MCHR2: variants seen among roughly 807,000 people sequenced by gnomAD.
MCHR2 encodes melanin concentrating hormone receptor 2, also known as melanin-concentrating hormone receptor 2.
MCHR2 carries 15 observed loss-of-function variants against 24.8 expected under a neutral mutation model. The ratio of observed to expected loss-of-function variants is 0.60; its 90% CI spans 0.40 to 0.93. The LOEUF (loss-of-function observed/expected upper bound fraction) is 0.93, where lower values mean the gene tolerates loss of function less well. MCHR2 is among the 40% of genes least tolerant of loss of function. The pLI is 0.00. For synonymous variants in MCHR2, 151 were observed against 147.6 expected (o/e 1.02, Z -0.17); for missense variants, 386 against 408.7 (o/e 0.94, Z 0.48).
chr6:99,956,019 A>C lies in MCHR2; in HGVS notation c.129T>G (p.Ile43Met). The C allele has an allele frequency of 6.2e-7, 1 of 1,613,246 alleles. No individual in the cohort carries two copies. Among genetic ancestry groups the C allele is most frequent in the Non-Finnish European group, 8.5e-7 (1 of 1,179,560 alleles). ...DTVILPSMIG[I>M]ICSTGLVGNI... ...TGCCAACCAGCCCTGTTGAACAGAT[A>C]ATCCCAATCATGGAAGGGAGGATGA... Residue 43 changes from isoleucine (I) to methionine (M), a missense_variant, in exon 2 of 6, where the codon ATT becomes ATG. Transcript: ENST00000281806.
chr6:99,971,070 TTAAAG>T (rs1775406815), intron 1 of MCHR2, among the ~76,000 whole-genome samples: 2 of 152,124 alleles, frequency 1.3e-5, no homozygotes, highest in Non-Finnish European at 2.9e-5. Flanking sequence ...CATATGAACT[TTAAAG>T]TAGTTTTTTC....
chr6:99,991,460 G>A (rs1775873160), intron 1 of MCHR2, among the ~76,000 whole-genome samples: 1 of 152,128 alleles, frequency 6.6e-6, no homozygotes, highest in Non-Finnish European at 1.5e-5. Flanking sequence ...TTTCCCCATA[G>A]GTGAGGTGAG....
chr6:99,968,780 GT>G (rs887769743), intron 1 of MCHR2, among the ~76,000 whole-genome samples: 214 of 147,928 alleles, frequency 1.4e-3, no homozygotes, highest in African/African-American at 3.0e-3. Context: ...ATCATATAGT[GT>G]TTTTTTTTTA....
intron 1 of MCHR2, among the ~76,000 whole-genome samples, chr6:99,970,966 C>T (rs1310873285): frequency 1.3e-5 from 2 of 152,176 alleles, no homozygotes; most frequent in Admixed American, 6.5e-5. Flanking sequence ...TTACTGTAGC[C>T]TTGTAGTATA....
At chr6:99,993,409 T>C (rs1417353807) in intron 1 of MCHR2, among the ~76,000 whole-genome samples, 1 of 152,144 alleles carries the variant, frequency 6.6e-6, no homozygotes, top group African/African-American at 2.4e-5. Flanking sequence ...GAATGGGGGC[T>C]TCACAGAAGG....
At position 99,969,795 on chromosome 6, in the gene MCHR2, G is replaced by C. The variant is rs1407891397; in HGVS notation, c.-27-13621C>G. On this transcript the variant is annotated intron_variant, in intron 1 of 5. Transcript: ENST00000281806. ...TTCTCATTGTTCAATTCCCACCTAT[G>C]AGTGAGAACATGTGGTGTTTGGTTT... Among the ~76,000 whole-genome samples the C allele has an allele frequency of 6.8e-5, 10 of 147,030 alleles. No homozygotes were observed. In the East Asian group the frequency reaches 2.1e-3, roughly 30 times the overall value.
At chr6:99,965,249 C>T (rs1775274761) in intron 1 of MCHR2, among the ~76,000 whole-genome samples, 1 of 152,160 alleles carries the variant, frequency 6.6e-6, no homozygotes, top group South Asian at 2.1e-4. Flanking sequence ...TAATGCTTAT[C>T]TTAGTCTTAA....
intron 4 of MCHR2, among the ~76,000 whole-genome samples, chr6:99,940,953 T>C (rs1411229221): frequency 1.3e-5 from 2 of 152,184 alleles, no homozygotes; most frequent in Non-Finnish European, 2.9e-5. Flanking sequence ...CTCCTTTGGC[T>C]GAGTTACAGA....
chr6:99,969,319 C>A lies in MCHR2; in HGVS notation c.-27-13145G>T, dbSNP rs189743698. On this transcript the variant is annotated intron_variant, in intron 1 of 5. Transcript: ENST00000281806. ...TGAAACCCTCTCTCTACTAAAAATA[C>A]AAAAATTAGTCGGACATGGTGGCAG... Among the ~76,000 whole-genome samples the A allele has an allele frequency of 1.3e-3, 204 of 151,648 alleles. 1 individual carries two copies. In the East Asian group the frequency reaches 0.028, roughly 21 times the overall value.
At chr6:99,987,306 A>T (rs1344973297) in intron 1 of MCHR2, among the ~76,000 whole-genome samples, 1 of 152,130 alleles carries the variant, frequency 6.6e-6, no homozygotes, top group Admixed American at 6.5e-5. Flanking sequence ...AGGTTGAATA[A>T]TATATCCTTT....
chr6:99,940,874 G>A (rs565842999), intron 4 of MCHR2, among the ~76,000 whole-genome samples: 2 of 152,176 alleles, frequency 1.3e-5, no homozygotes, highest in South Asian at 4.1e-4. Context: ...CTGGCTAGGG[G>A]TTTGTCCAGG....
At chr6:99,941,407 C>T (rs1416555840) in intron 4 of MCHR2, among the ~76,000 whole-genome samples, 2 of 151,918 alleles carry the variant, frequency 1.3e-5, no homozygotes, top group African/African-American at 4.8e-5. Context: ...AGTCAGCTTG[C>T]TTCTATGCTG....
intron 1 of MCHR2, 116 bp from the exon 2 acceptor site, chr6:99,956,290 C>T (rs1775060187): frequency 5.7e-6 from 4 of 696,750 alleles, no homozygotes; most frequent in Non-Finnish European, 2.3e-6. Flanking sequence ...TTCCATGGAA[C>T]ACAGGATCCC....
chr6:99,923,333 T>A (rs1367204652), intron 5 of MCHR2, among the ~76,000 whole-genome samples: 1 of 152,146 alleles, frequency 6.6e-6, no homozygotes, highest in Admixed American at 6.5e-5. Flanking sequence ...ATGTCATCTG[T>A]AAACAAGGAT....
intron 1 of MCHR2, among the ~76,000 whole-genome samples, chr6:99,974,928 C>T (rs1249133928): frequency 2.0e-5 from 3 of 152,180 alleles, no homozygotes; most frequent in Non-Finnish European, 4.4e-5. Context: ...GATCGTTCCT[C>T]TGGAAGTTTT....
intron 1 of MCHR2, among the ~76,000 whole-genome samples, chr6:99,967,676 G>C (rs9376618): frequency 0.29 from 44,751 of 151,966 alleles, 7,691 homozygotes; most frequent in Admixed American, 0.41. Flanking sequence ...ACTGAAGACA[G>C]TTCAATAGCC....
At chr6:99,943,227 T>G in intron 3 of MCHR2, 84 bp from the exon 4 acceptor site, 1 of 1,051,622 alleles carries the variant, frequency 9.5e-7, no homozygotes, top group Non-Finnish European at 1.3e-6. Context: ...TGAGAGTAAA[T>G]TCTTAGCATT....
At chr6:99,992,812 G>C (rs1484697975) in intron 1 of MCHR2, among the ~76,000 whole-genome samples, 2 of 152,130 alleles carry the variant, frequency 1.3e-5, no homozygotes, top group East Asian at 3.9e-4. Flanking sequence ...CTCTGCAAAA[G>C]GCCAATTCAA....
chr6:99,982,470 A>AAAAG (rs1775688813), intron 1 of MCHR2, among the ~76,000 whole-genome samples: 1 of 141,784 alleles, frequency 7.1e-6, no homozygotes, highest in African/African-American at 2.6e-5. Flanking sequence ...CTGTACAGAA[A>AAAAG]AAAAAAAAAA....
Sources: gnomAD v4.1 joint callset for allele counts (sites outside exome capture counted in the v4.1 genomes callset) on GRCh38, gnomAD v4.1.1 for gene constraint, MANE v1.5 for transcripts, NCBI Gene and HGNC (gene_info 2026-07-23, HGNC 2026-07-21) for gene names.